The following DOCK5 variants were observed in gnomAD, a reference collection of about 807,000 sequenced individuals.
DOCK5 encodes dedicator of cytokinesis 5, also known as dedicator of cytokinesis protein 5.
In DOCK5, 142 loss-of-function variants were observed where a neutral mutation model predicts 251.8. The observed-to-expected ratio is 0.56, with a 90% CI of 0.49 to 0.65. The LOEUF is 0.65. Ranked by LOEUF, DOCK5 falls within the 30% of genes least tolerant of loss-of-function variation. The probability of loss-of-function intolerance (pLI) is 0.00; values close to 1 mark genes in which losing one functional copy is unlikely to be tolerated. For missense variants in DOCK5, 2,111 were observed against 2,312.3 expected, an observed-to-expected ratio of 0.91 and a Z score of 1.79; for synonymous variants, 842 against 835.5, an observed-to-expected ratio of 1.01 and a Z score of -0.13.
chr8:25,342,374 C>T (rs1414722877), intron 24 of DOCK5, 27 bp from the exon 25 acceptor site: 2 of 1,543,046 alleles, frequency 1.3e-6, no homozygotes, highest in East Asian at 2.4e-5. Flanking sequence ...AACGAAGACA[C>T]TACTAACCCT....
intron 5 of DOCK5, 69 bp downstream of exon 5, chr8:25,278,734 G>T: frequency 7.0e-7 from 1 of 1,434,050 alleles, no homozygotes; most frequent in Non-Finnish European, 9.7e-7. Flanking sequence ...TCCTTTGCAG[G>T]GTGTTGGCCC....
intron 48 of DOCK5, among the ~76,000 whole-genome samples, chr8:25,406,945 C>CA (rs1456021367): frequency 6.6e-5 from 10 of 152,076 alleles, no homozygotes; most frequent in Admixed American, 6.5e-4. Flanking sequence ...TTATTACTAT[C>CA]AGCTTTTACC....
At chr8:25,247,927 C>T (rs577247414) in intron 2 of DOCK5, among the ~76,000 whole-genome samples, 2 of 152,220 alleles carry the variant, frequency 1.3e-5, no homozygotes, top group East Asian at 1.9e-4. Flanking sequence ...CGCAAGAAAC[C>T]GCTCTTCTTA....
In DOCK5 at chr8:25,336,235, T is replaced by G. The variant is rs764038665; in HGVS notation, c.2193-4T>G. ...GCTTAATTTTTCTTTCTCATTCTTC[T>G]AAGGAAACTCTCCAAGGTACTGAAC... is the stretch of plus-strand genomic sequence containing the variant. On this transcript the variant is annotated splice_region_variant and splice_polypyrimidine_tract_variant and intron_variant, in intron 21 of 51. Coordinates refer to ENST00000276440, the MANE Select transcript of DOCK5 (RefSeq NM_024940.8). 1.2e-6 allele frequency: 2 copies of G among 1,607,806 alleles called. No individual in the cohort carries two copies. The highest frequency in any genetic ancestry group is 1.7e-6 in the Non-Finnish European group (2 of 1,174,856).
intron 13 of DOCK5, among the ~76,000 whole-genome samples, chr8:25,311,449 A>C (rs1805092860): frequency 6.6e-6 from 1 of 151,284 alleles, no homozygotes; most frequent in Non-Finnish European, 1.5e-5. Flanking sequence ...AGGCTGAGGC[A>C]GGAGAATCGC....
At chr8:25,375,877 C>G (rs2117292780) in intron 37 of DOCK5, 1 of 926,686 alleles carries the variant, frequency 1.1e-6, no homozygotes. Context: ...GCCAGCAGAT[C>G]ACTTGGGGTC....
At chr8:25,337,272 A>G (rs962483260) in intron 22 of DOCK5, among the ~76,000 whole-genome samples, 1 of 152,186 alleles carries the variant, frequency 6.6e-6, no homozygotes, top group South Asian at 2.1e-4. Context: ...TCTTTTACCT[A>G]TACATTTGAA....
chr8:25,252,479 G>A (rs1203813198), intron 2 of DOCK5, among the ~76,000 whole-genome samples: 1 of 152,168 alleles, frequency 6.6e-6, no homozygotes, highest in Non-Finnish European at 1.5e-5. Context: ...TACATAAATG[G>A]CAGTGAGCCT....
chr8:25,395,004 C>T (rs1286328807), intron 44 of DOCK5, among the ~76,000 whole-genome samples: 1 of 152,010 alleles, frequency 6.6e-6, no homozygotes, highest in African/African-American at 2.4e-5. Flanking sequence ...ATTTACTGTG[C>T]ACTATATTTC....
chr8:25,323,744 T>G, intron 16 of DOCK5, 104 bp from the exon 17 acceptor site: 1 of 1,269,190 alleles, frequency 7.9e-7, no homozygotes, highest in Non-Finnish European at 1.1e-6. Flanking sequence ...CTTATTAGAA[T>G]ATGGTTGAAC....
At chr8:25,387,518 G>A (rs774426574) in intron 40 of DOCK5, among the ~76,000 whole-genome samples, 28 of 152,112 alleles carry the variant, frequency 1.8e-4, no homozygotes, top group Non-Finnish European at 1.2e-4. Context: ...TCCTTCTTCT[G>A]CTCAGTCCAG....
chr8:25,325,179 A>G (rs938853801), intron 17 of DOCK5, among the ~76,000 whole-genome samples, 185 bp from the exon 18 acceptor site: 20 of 152,196 alleles, frequency 1.3e-4, no homozygotes, highest in Non-Finnish European at 2.5e-4. Context: ...CCATTCAATC[A>G]TGAAATTATT....
At chr8:25,270,551 A>T (rs531361262) in intron 3 of DOCK5, among the ~76,000 whole-genome samples, 15 of 152,360 alleles carry the variant, frequency 9.8e-5, no homozygotes, top group Non-Finnish European at 1.8e-4. Context: ...AGAAAAAAAA[A>T]GTTAATTTAA....
chr8:25,319,483 G>T (rs888743783), intron 14 of DOCK5, 95 bp from the exon 15 acceptor site: 1 of 737,014 alleles, frequency 1.4e-6, no homozygotes. Flanking sequence ...ATGTGTGGAC[G>T]TGTTTGGGGG....
intron 1 of DOCK5, among the ~76,000 whole-genome samples, chr8:25,228,736 C>CTT (rs1339246403): frequency 2.6e-5 from 4 of 152,102 alleles, no homozygotes; most frequent in African/African-American, 9.6e-5. Context: ...TATTTTTAAC[C>CTT]TTTTTTCACA....
chr8:25,384,439 A>ATTTG (rs1233607940), intron 40 of DOCK5, among the ~76,000 whole-genome samples: 4 of 45,492 alleles, frequency 8.8e-5, no homozygotes, highest in Non-Finnish European at 1.3e-4. Context: ...TATTTTATTT[A>ATTTG]TTTATTTATT....
chr8:25,305,574 T>G (rs1056248303), intron 11 of DOCK5, among the ~76,000 whole-genome samples: 6 of 152,178 alleles, frequency 3.9e-5, no homozygotes, highest in African/African-American at 1.4e-4. Context: ...ATACAGTCTT[T>G]GCACTGTGTT....
intron 27 of DOCK5, among the ~76,000 whole-genome samples, chr8:25,355,089 C>T (rs1273687301): frequency 1.3e-5 from 2 of 152,032 alleles, no homozygotes; most frequent in African/African-American, 4.8e-5. Flanking sequence ...TAAAAGTTAG[C>T]CAGGCATGGC....
intron 6 of DOCK5, among the ~76,000 whole-genome samples, chr8:25,294,930 G>T (rs1804581234): frequency 6.6e-6 from 1 of 152,066 alleles, no homozygotes; most frequent in Non-Finnish European, 1.5e-5. Flanking sequence ...CACGAGAACA[G>T]CACCAAAGGG....
Sources: allele counts gnomAD v4.1 joint callset (sites outside exome capture counted in the v4.1 genomes callset), GRCh38; gene constraint gnomAD v4.1.1; transcripts MANE v1.5; gene names NCBI Gene and HGNC (gene_info 2026-07-23, HGNC 2026-07-21).